Variants in ACACA observed in about 807,000 individuals in gnomAD.
ACACA encodes acetyl-CoA carboxylase 1.
A neutral mutation model predicts 296.1 loss-of-function variants in ACACA; 103 were observed. That is an observed-to-expected ratio of 0.35 (90% CI 0.30 to 0.41). ACACA has a LOEUF of 0.41. Among genes scored for constraint, ACACA ranks in the 10% least tolerant of loss-of-function variants. ACACA has a pLI of 1.00. For synonymous variants in ACACA, 953 were observed against 1,038.6 expected, an observed-to-expected ratio of 0.92 and a Z score of 1.58; for missense variants, 1,554 against 2,989.7, an observed-to-expected ratio of 0.52 and a Z score of 11.20.
chr17:37,251,897 C>T, intron 16 of ACACA, 108 bp downstream of exon 16: 2 of 1,049,216 alleles, frequency 1.9e-6, no homozygotes, highest in East Asian at 2.4e-5. Context: ...ACAAGTAGCA[C>T]TCATAAGCTG....
chr17:37,370,951 T>C (rs572795727), intron 1 of ACACA, among the ~76,000 whole-genome samples: 1 of 149,658 alleles, frequency 6.7e-6, no homozygotes, highest in East Asian at 2.0e-4. Context: ...GCCACTGCAC[T>C]CCAGCTTGGG....
chr17:37,337,886 A>G (rs1359013216), intron 2 of ACACA, among the ~76,000 whole-genome samples: 4 of 151,972 alleles, frequency 2.6e-5, no homozygotes, highest in Admixed American at 1.3e-4. Context: ...TCACAAGGTC[A>G]GGAGATCAAG....
intron 39 of ACACA, among the ~76,000 whole-genome samples, chr17:37,187,774 AATAG>A (rs1432191887): frequency 7.9e-5 from 12 of 152,246 alleles, no homozygotes; most frequent in African/African-American, 2.9e-4. Context: ...AACAGAACAC[AATAG>A]ATAAATATGA....
chr17:37,404,177 C>T (rs2051386132), intron 1 of ACACA, among the ~76,000 whole-genome samples: 1 of 152,204 alleles, frequency 6.6e-6, no homozygotes, highest in Non-Finnish European at 1.5e-5. Flanking sequence ...ACAATCATGA[C>T]ATCCAGATCT....
chr17:37,320,749 C>G (rs1206213087), intron 3 of ACACA, among the ~76,000 whole-genome samples: 1 of 151,512 alleles, frequency 6.6e-6, no homozygotes, highest in Admixed American at 6.6e-5. Flanking sequence ...GGGTTCGAGA[C>G]CAGCCTGAGC....
At chr17:37,091,748 CTTT>C (rs36012737) in intron 54 of ACACA, among the ~76,000 whole-genome samples, 4 of 151,706 alleles carry the variant, frequency 2.6e-5, no homozygotes, top group Non-Finnish European at 4.4e-5. Flanking sequence ...CCTGGCAAAA[CTTT>C]TTTTGGTAGA....
At chr17:37,364,240 T>C (rs1040609483) in intron 1 of ACACA, among the ~76,000 whole-genome samples, 6 of 152,044 alleles carry the variant, frequency 3.9e-5, no homozygotes, top group African/African-American at 1.4e-4. Flanking sequence ...GAGGTTGCAG[T>C]GAGCCGAGAT....
At chr17:37,294,063 A>ATT (rs113840526) in intron 3 of ACACA, among the ~76,000 whole-genome samples, 2 of 150,434 alleles carry the variant, frequency 1.3e-5, no homozygotes, top group African/African-American at 4.9e-5. Context: ...ATACACTGGT[A>ATT]TTTTTTTTTG....
intron 45 of ACACA, among the ~76,000 whole-genome samples, chr17:37,142,750 T>C (rs1191553830): frequency 1.3e-5 from 2 of 152,246 alleles, no homozygotes; most frequent in Admixed American, 1.3e-4. Context: ...CTGTCACGAC[T>C]GAACATCGTG....
chr17:37,153,123 GGTCCATATA>G (rs2076108029), intron 43 of ACACA, among the ~76,000 whole-genome samples: 1 of 152,038 alleles, frequency 6.6e-6, no homozygotes, highest in Non-Finnish European at 1.5e-5. Flanking sequence ...GTTTGTATAA[GGTCCATATA>G]GTCATAAATA....
intron 3 of ACACA, among the ~76,000 whole-genome samples, chr17:37,317,901 T>A (rs1598474278): frequency 6.6e-6 from 1 of 152,170 alleles, no homozygotes; most frequent in African/African-American, 2.4e-5. Context: ...AAGAGGAAAC[T>A]AGTTCCCTCA....
intron 1 of ACACA, chr17:37,391,995 G>A (rs1026874306): frequency 1.5e-5 from 7 of 466,616 alleles, no homozygotes; most frequent in Non-Finnish European, 1.9e-5. Flanking sequence ...TTCCCTGCAA[G>A]CACTATGAAT....
intron 1 of ACACA, chr17:37,369,329 A>G (rs2147665952): frequency 6.6e-6 from 1 of 152,162 alleles, no homozygotes; most frequent in East Asian, 1.9e-4. Context: ...ACCCTATCTC[A>G]CAAAAATTAT....
At chr17:37,361,088 G>A (rs1408107563) in intron 1 of ACACA, among the ~76,000 whole-genome samples, 3 of 150,354 alleles carry the variant, frequency 2.0e-5, no homozygotes, top group African/African-American at 4.9e-5. Flanking sequence ...GCCCAGGCTG[G>A]AGTGCCGTGG....
chr17:37,225,703 CT>C (rs1013189050), intron 26 of ACACA: 4 of 172,760 alleles, frequency 2.3e-5, no homozygotes, highest in Non-Finnish European at 5.0e-5. Flanking sequence ...GGTTCAATAG[CT>C]TTGAGTAGTT....
At chr17:37,362,046 T>C (rs960105853) in intron 1 of ACACA, among the ~76,000 whole-genome samples, 1 of 152,198 alleles carries the variant, frequency 6.6e-6, no homozygotes, top group Non-Finnish European at 1.5e-5. Flanking sequence ...CCAGTATGAC[T>C]GTCGTCCTTA....
chr17:37,386,688 C>T (rs2050547800), intron 1 of ACACA, among the ~76,000 whole-genome samples: 1 of 152,186 alleles, frequency 6.6e-6, no homozygotes, highest in African/African-American at 2.4e-5. Flanking sequence ...AATGAGCTCA[C>T]CCTGTCGCCA....
chr17:37,288,052 T>A (rs1268201453), intron 3 of ACACA, among the ~76,000 whole-genome samples: 1 of 152,172 alleles, frequency 6.6e-6, no homozygotes, highest in Non-Finnish European at 1.5e-5. Flanking sequence ...ACAAAGGAAG[T>A]CTGTAGCATA....
At chr17:37,332,943 A>G (rs1323493988) in intron 2 of ACACA, among the ~76,000 whole-genome samples, 1 of 151,516 alleles carries the variant, frequency 6.6e-6, no homozygotes, top group South Asian at 2.1e-4. Flanking sequence ...AATAATTCCC[A>G]ATTGTGGACC....
Sources: gnomAD v4.1 joint callset for allele counts (sites outside exome capture counted in the v4.1 genomes callset) on GRCh38, gnomAD v4.1.1 for gene constraint, MANE v1.5 for transcripts, NCBI Gene and HGNC (gene_info 2026-07-23, HGNC 2026-07-21) for gene names.